Variants in CRYBG1 observed in about 807,000 individuals in gnomAD.
CRYBG1 encodes beta/gamma crystallin domain-containing protein 1.
A neutral mutation model predicts 189.2 loss-of-function variants in CRYBG1; 139 were observed. The ratio of observed to expected loss-of-function variants is 0.73; its 90% confidence interval spans 0.64 to 0.85. The LOEUF (loss-of-function observed/expected upper bound fraction) is 0.85. Ranked by LOEUF, CRYBG1 falls within the 40% of genes least tolerant of loss-of-function variation. CRYBG1 has a pLI of 0.00. For missense variants in CRYBG1, 2,611 were observed against 2,675.8 expected (o/e 0.98, Z 0.53); for synonymous variants, 1,023 against 1,017.1 (o/e 1.01, Z -0.11).
Position 106,361,070 on chromosome 6 carries a change from C to A in CRYBG1, c.162C>A (p.Ala54=). 6.5e-7 allele frequency: 1 copy of A among 1,534,956 alleles called. No homozygotes were observed. Among genetic ancestry groups the A allele is most frequent in the South Asian group, 1.2e-5 (1 of 84,004 alleles). The change falls in exon 1 of 22, where the codon GCC becomes GCA. Residue 54 remains alanine (A), a synonymous_variant. Coordinates refer to ENST00000633556, the MANE Select transcript of CRYBG1 (RefSeq NM_001371242.2). ...TTCCGCACCCGCTCCCGGCGCCTGC[C>A]GGAGAGGCCAGGTGAGCTCCTCGCC... ...VFVPHPLPAP[A]GEARALDVVD... is the part of the protein sequence containing the mutation.
At chr6:106,383,469 G>A (rs1770325824) in intron 1 of CRYBG1, among the ~76,000 whole-genome samples, 1 of 152,202 alleles carries the variant, frequency 6.6e-6, no homozygotes, top group Non-Finnish European at 1.5e-5. Flanking sequence ...CTTAAGTGAT[G>A]ATAAGTAATC....
At chr6:106,498,607 G>A (rs1040795876) in intron 2 of CRYBG1, among the ~76,000 whole-genome samples, 3 of 152,050 alleles carry the variant, frequency 2.0e-5, no homozygotes, top group Admixed American at 6.5e-5. Context: ...TATTAATATC[G>A]GTCACACCTG....
intron 2 of CRYBG1, 58 bp downstream of exon 2, chr6:106,451,890 C>A: frequency 6.9e-7 from 1 of 1,454,476 alleles, no homozygotes; most frequent in Non-Finnish European, 9.2e-7. Context: ...AGAGCTAAAG[C>A]ACTGTAAGAT....
At chr6:106,362,304 T>A (rs1204028894) in intron 1 of CRYBG1, among the ~76,000 whole-genome samples, 1 of 152,108 alleles carries the variant, frequency 6.6e-6, no homozygotes, top group East Asian at 1.9e-4. Context: ...AATTTTACGA[T>A]CTATTTTCAT....
intron 1 of CRYBG1, among the ~76,000 whole-genome samples, chr6:106,412,870 A>G (rs575079999): frequency 6.6e-6 from 1 of 152,006 alleles, no homozygotes; most frequent in Admixed American, 6.6e-5. Context: ...CTATCTGTCC[A>G]GCAGAAAGTA....
chr6:106,387,962 C>T (rs1198249970), intron 1 of CRYBG1, among the ~76,000 whole-genome samples: 3 of 152,146 alleles, frequency 2.0e-5, no homozygotes, highest in Admixed American at 1.3e-4. Flanking sequence ...CTGTCTGCTA[C>T]TCTTTAAAAC....
chr6:106,396,793 T>C (rs1770622870), intron 1 of CRYBG1, among the ~76,000 whole-genome samples: 1 of 152,200 alleles, frequency 6.6e-6, no homozygotes, highest in Non-Finnish European at 1.5e-5. Context: ...GCAATTCTCC[T>C]GCCTCAGCCT....
At chr6:106,492,035 TATTAAATCCATCC>T (rs1215368572) in intron 2 of CRYBG1, among the ~76,000 whole-genome samples, 1 of 152,182 alleles carries the variant, frequency 6.6e-6, no homozygotes, top group Non-Finnish European at 1.5e-5. Context: ...GCCCTCATCT[TATTAAATCCATCC>T]TTTAAGGCTA....
chr6:106,567,877 T>A (rs1263702738), intron 21 of CRYBG1, among the ~76,000 whole-genome samples: 1 of 147,434 alleles, frequency 6.8e-6, no homozygotes, highest in African/African-American at 2.6e-5. Flanking sequence ...CTAAATGCTA[T>A]GAAATTTTAT....
At chr6:106,536,482 G>A (rs1329995100) in intron 8 of CRYBG1, among the ~76,000 whole-genome samples, 2 of 152,144 alleles carry the variant, frequency 1.3e-5, no homozygotes, top group African/African-American at 4.8e-5. Context: ...TGGTTTCTGT[G>A]AATGGCCAAT....
chr6:106,487,312 A>C (rs1204606965), intron 2 of CRYBG1, among the ~76,000 whole-genome samples: 1 of 152,200 alleles, frequency 6.6e-6, no homozygotes, highest in Non-Finnish European at 1.5e-5. Context: ...AAGAATTTAC[A>C]TGGTACCATT....
At chr6:106,462,604 A>G (rs1020460879) in intron 2 of CRYBG1, among the ~76,000 whole-genome samples, 1 of 152,240 alleles carries the variant, frequency 6.6e-6, no homozygotes, top group Non-Finnish European at 1.5e-5. Context: ...GAAAGAAACA[A>G]GCTACTTTAT....
Position 106,386,987 on chromosome 6 carries a change from A to T in CRYBG1, c.173+25906A>T, listed in dbSNP as rs139782013. ...TGAGACAATAGCTCGTATTTCATCTACTCTCTTTTCTTTTATTCTTGTAAC... is the reference window on the plus strand; with the variant it reads ...TGAGACAATAGCTCGTATTTCATCTTCTCTCTTTTCTTTTATTCTTGTAAC... On this transcript the variant is annotated intron_variant, in intron 1 of 21. Transcript: ENST00000633556. Among the ~76,000 whole-genome samples the T allele has an allele frequency of 2.0e-4, 30 of 152,198 alleles. 2 individuals carry two copies. The East Asian group carries it at 2.3e-3, about 12-fold the overall frequency.
rs111639470 is a variant in CRYBG1, at chr6:106,518,602, G to A, written c.1923-529G>A. ...TAATCTTCCGATCCCTCATATGCAA[G>A]CAAAACACCCATTAAAAATAGTTGG... On this transcript the variant is annotated intron_variant, in intron 3 of 21. Coordinates refer to ENST00000633556, the MANE Select transcript of CRYBG1 (RefSeq NM_001371242.2). Among the ~76,000 whole-genome samples the A allele has an allele frequency of 4.8e-3, 731 of 152,126 alleles. 7 individuals carry two copies. Among genetic ancestry groups the A allele is most frequent in the African/African-American group, 0.017 (709 of 41,502 alleles).
At chr6:106,550,081 A>G (rs1465724678) in intron 13 of CRYBG1, among the ~76,000 whole-genome samples, 1 of 152,160 alleles carries the variant, frequency 6.6e-6, no homozygotes, top group Non-Finnish European at 1.5e-5. Context: ...CAAAACAAAT[A>G]CCAACAAATA....
At chr6:106,428,547 T>C (rs1018182213) in intron 1 of CRYBG1, among the ~76,000 whole-genome samples, 3 of 152,198 alleles carry the variant, frequency 2.0e-5, no homozygotes, top group African/African-American at 7.2e-5. Flanking sequence ...TGCAATCACA[T>C]GTACTATCCC....
At chr6:106,419,262 A>G (rs1461415081) in intron 1 of CRYBG1, among the ~76,000 whole-genome samples, 2 of 152,230 alleles carry the variant, frequency 1.3e-5, no homozygotes, top group Non-Finnish European at 2.9e-5. Context: ...GCTGCTTTTC[A>G]TTAAAAGGGA....
At chr6:106,439,669 A>T (rs1054712232) in intron 1 of CRYBG1, among the ~76,000 whole-genome samples, 1 of 151,858 alleles carries the variant, frequency 6.6e-6, no homozygotes, top group African/African-American at 2.4e-5. Context: ...TAGTGACTCA[A>T]CTCTCTCTGT....
chr6:106,496,881 G>T (rs537457006), intron 2 of CRYBG1, among the ~76,000 whole-genome samples: 27 of 152,326 alleles, frequency 1.8e-4, no homozygotes, highest in Middle Eastern at 3.4e-3. Flanking sequence ...CCTGCTGCCT[G>T]TGCCTCCAGG....
Sources: gnomAD v4.1 joint callset for allele counts (sites outside exome capture counted in the v4.1 genomes callset) on GRCh38, gnomAD v4.1.1 for gene constraint, MANE v1.5 for transcripts, NCBI Gene and HGNC (gene_info 2026-07-23, HGNC 2026-07-21) for gene names.